The following NEBL variants were observed in gnomAD, a reference collection of about 807,000 sequenced individuals.
NEBL encodes LIM and SH3 protein 2.
NEBL carries 122 observed loss-of-function variants against 140.2 expected under a neutral mutation model. The ratio of observed to expected loss-of-function variants is 0.87; its 90% CI spans 0.75 to 1.01. The LOEUF is 1.01. Ranked by LOEUF, NEBL falls within the 50% of genes least tolerant of loss-of-function variation. The pLI is 0.00. For synonymous variants in NEBL, 436 were observed against 398.9 expected (o/e 1.09, Z -1.11); for missense variants, 1,365 against 1,231.3 (o/e 1.11, Z -1.62).
At position 21,126,090 on chromosome 10, in the gene NEBL, G is replaced by A. The variant is rs768799466; in HGVS notation, c.164+46293C>T. 3.7e-6 allele frequency: 6 copies of A among 1,613,382 alleles called. No individual in the cohort carries two copies. In the African/African-American group the frequency reaches 5.3e-5, roughly 14 times the overall value. ...CAACCAGCTTCCTGGGAGGCCTCAG[G>A]CCCTTCTCGGCTCTCCGTTCTGCCT... On this transcript the variant is annotated intron_variant, in intron 2 of 6. Coordinates refer to the NEBL transcript ENST00000417816.
chr10:21,156,117 AGAAACTCCAAG>A (rs1840328196), intron 2 of NEBL, among the ~76,000 whole-genome samples: 1 of 152,270 alleles, frequency 6.6e-6, no homozygotes, highest in South Asian at 2.1e-4. Context: ...AAGAATCAGT[AGAAACTCCAAG>A]GAAAGAAAAA....
rs141197066 is a variant in NEBL, at chr10:21,207,798, C to T, written n.349-35321G>A. ...AGCTATACCTATGGAACATCTGTCT[C>T]TAGGTTCTAGAAACCATTCATTTAA... On this transcript the variant is annotated intron_variant and non_coding_transcript_variant, in intron 3 of 8. Coordinates refer to the NEBL transcript ENST00000675702. Among the ~76,000 whole-genome samples, 331 of 152,300 alleles carry T rather than the reference C, an allele frequency of 2.2e-3. 2 individuals are homozygous for T. The highest frequency in any genetic ancestry group is 6.8e-3 in the Middle Eastern group (2 of 294).
intron 3 of NEBL, among the ~76,000 whole-genome samples, chr10:21,014,150 G>T (rs1838464470): frequency 6.6e-6 from 1 of 151,664 alleles, no homozygotes; most frequent in Admixed American, 6.6e-5. Context: ...TAGATTTAGG[G>T]TCTCACTCTG....
chr10:20,886,788 T>C lies in NEBL; in HGVS notation c.369+1309A>G, dbSNP rs1453969731. ...TGTTTTGAGGACTGACTGGGATAAA[T>C]ACACGTGAAATGCATAGAACAACTT... On this transcript the variant is annotated intron_variant, in intron 4 of 27. Transcript: ENST00000377122. 2.6e-5 allele frequency among the ~76,000 whole-genome samples: 4 copies of C among 152,126 alleles called. No homozygotes were observed. The South Asian group carries it at 6.2e-4, about 24-fold the overall frequency.
chr10:21,088,209 C>A (rs1416508339), intron 2 of NEBL, among the ~76,000 whole-genome samples: 1 of 152,188 alleles, frequency 6.6e-6, no homozygotes, highest in Non-Finnish European at 1.5e-5. Context: ...TCCTGGCTCA[C>A]AAAACTTCTG....
chr10:20,963,039 C>CACACACACACACACAT (rs1253708759), intron 3 of NEBL, among the ~76,000 whole-genome samples: 33 of 150,308 alleles, frequency 2.2e-4, no homozygotes, highest in African/African-American at 8.0e-4. Context: ...CACACACACA[C>CACACACACACACACAT]ACACACACGG....
In NEBL at chr10:20,808,542, C is replaced by T. The variant is rs769818040; in HGVS notation, c.2729G>A (p.Cys910Tyr). Residue 910 changes from cysteine (C) to tyrosine (Y), a missense_variant, in exon 26 of 28, where the codon TGC becomes TAC. This residue lies in a region of NEBL where 1,323 missense variants were observed against 1,154.8 expected (regional missense o/e 1.15). Coordinates refer to ENST00000377122, the MANE Select transcript of NEBL (RefSeq NM_006393.3). ...ISEIYPSFSC[C>Y]SEVTRPSDEG... ...ATCAGACGGTCTTGTTACCTCACTG[C>T]AGCATGAAAAGCTAGGGTAAATCTC... 6 of 1,613,890 alleles carry T rather than the reference C, an allele frequency of 3.7e-6. No individual in the cohort carries two copies. Among genetic ancestry groups the T allele is most frequent in the South Asian group, 2.2e-5 (2 of 91,080 alleles).
chr10:21,227,313 A>G (rs1355199833), intron 3 of NEBL, among the ~76,000 whole-genome samples: 1 of 152,152 alleles, frequency 6.6e-6, no homozygotes, highest in Non-Finnish European at 1.5e-5. Context: ...AGAGCTCCCA[A>G]AGTTTTGGGA....
At position 20,812,786 on chromosome 10, in the gene NEBL, C is replaced by T. The variant is rs774275229; in HGVS notation, c.2501G>A (p.Arg834Lys). The T allele has an allele frequency of 1.9e-6, 3 of 1,613,966 alleles. No homozygotes were observed. The highest frequency in any genetic ancestry group is 2.5e-6 in the Non-Finnish European group (3 of 1,179,910). The change falls in exon 24 of 28, where the codon AGA becomes AAA. Residue 834 changes from arginine (R) to lysine (K), a missense_variant. Coordinates refer to ENST00000377122, the MANE Select transcript of NEBL (RefSeq NM_006393.3). ...VHPHIVEMDR[R>K]PGIIVDLKVW... ...CAGCTTACCAACAATGATTCCAGGT[C>T]TCCTGTCCATCTCCACGATGTGAGG... is the stretch of plus-strand genomic sequence containing the variant.
Position 21,239,880 on chromosome 10 carries a change from G to A in NEBL, n.348+8041C>T, listed in dbSNP as rs556568892. On this transcript the variant is annotated intron_variant and non_coding_transcript_variant, in intron 3 of 8. Transcript: ENST00000675702. Reference sequence around the variant, plus strand: ...AAATACAAAAAATTAGCCGGGCATCGTGGCGGTCACCTGTAGTCCCAGCTA... The same window carrying A: ...AAATACAAAAAATTAGCCGGGCATCATGGCGGTCACCTGTAGTCCCAGCTA... Among the ~76,000 whole-genome samples, 49 of 152,148 alleles carry A rather than the reference G, an allele frequency of 3.2e-4. 1 individual carries two copies. The South Asian group carries it at 9.5e-3, about 30-fold the overall frequency.
intron 2 of NEBL, chr10:21,029,388 C>T (rs1833684001): frequency 6.2e-7 from 1 of 1,611,458 alleles, no homozygotes; most frequent in Non-Finnish European, 8.5e-7. Flanking sequence ...CACGTGAACC[C>T]AGCAATCCAG....
rs1589313532 is a variant in NEBL, at chr10:21,173,632, C to G, written c.69+133G>C. The G allele has an allele frequency of 2.7e-6, 4 of 1,466,188 alleles. No homozygotes were observed. Among genetic ancestry groups the G allele is most frequent in the East Asian group, 2.3e-5 (1 of 42,568 alleles). The allele number at this position is 1,466,188 out of a possible 1,614,324, so 90.8% of individuals were successfully genotyped here. On this transcript the variant is annotated intron_variant, in intron 1 of 6. Coordinates refer to the NEBL transcript ENST00000417816. This position sits in a 1 kb window ranked among gnomAD's most constrained non-coding sequence, Gnocchi z 5.7. ...CCGCTGGCGTCTTCGTTCGCGCGCC[C>G]TCCCCCCGTGCCAAGGCACACGCAC...
chr10:20,923,958 G>A (rs1049902994), intron 4 of NEBL, among the ~76,000 whole-genome samples: 9 of 151,932 alleles, frequency 5.9e-5, no homozygotes, highest in African/African-American at 1.9e-4. Flanking sequence ...AATTCATCTG[G>A]GTGTCTTCTA....
intron 21 of NEBL, 86 bp downstream of exon 21, chr10:20,817,514 T>C: frequency 1.7e-6 from 2 of 1,155,118 alleles, no homozygotes; most frequent in Non-Finnish European, 2.6e-6. Context: ...CTCAAGGTTA[T>C]GAAAATTCTA....
chr10:20,922,513 T>C (rs1470879393), intron 4 of NEBL, among the ~76,000 whole-genome samples: 2 of 152,074 alleles, frequency 1.3e-5, no homozygotes, highest in South Asian at 2.1e-4. Flanking sequence ...GACAGAAAAA[T>C]CTAGTCTATT....
intron 2 of NEBL, among the ~76,000 whole-genome samples, chr10:21,075,779 C>T (rs551695497): frequency 3.3e-5 from 5 of 152,160 alleles, no homozygotes; most frequent in Admixed American, 6.5e-5. Flanking sequence ...ACTTGCAAAT[C>T]ACATATCTAA....
At chr10:21,243,937 A>AGGGG (rs1335330550) in intron 3 of NEBL, among the ~76,000 whole-genome samples, 229 of 145,252 alleles carry the variant, frequency 1.6e-3, no homozygotes, top group African/African-American at 5.5e-3. Context: ...GGGAAAGGGA[A>AGGGG]AGGGAAGGGG....
In NEBL at chr10:21,288,645, C is replaced by A. The variant is rs1197270351; in HGVS notation, n.182+4185G>T. Among the ~76,000 whole-genome samples the A allele has an allele frequency of 2.0e-5, 3 of 148,770 alleles. No homozygotes were observed. In the Admixed American group the frequency reaches 2.0e-4, roughly 10 times the overall value. On this transcript the variant is annotated intron_variant and non_coding_transcript_variant, in intron 1 of 8. Coordinates refer to the NEBL transcript ENST00000675702. ...GCCTGCTGGCAGACACCTGTAATCC[C>A]AGCTACTTTCGAGGCTGAGGCAGAG...
At chr10:20,905,956 A>C (rs2131446055) in intron 4 of NEBL, among the ~76,000 whole-genome samples, 1 of 152,282 alleles carries the variant, frequency 6.6e-6, no homozygotes, top group South Asian at 2.1e-4. Flanking sequence ...AAGCAGCACT[A>C]CCACAGCTTC....
Sources: allele counts gnomAD v4.1 joint callset (sites outside exome capture counted in the v4.1 genomes callset), GRCh38; gene constraint gnomAD v4.1.1; regional missense constraint gnomAD v4.1.1; non-coding constraint Gnocchi (gnomAD v3.1); transcripts MANE v1.5; gene names NCBI Gene and HGNC (gene_info 2026-07-23, HGNC 2026-07-21).